The following ZFPM2 variants were observed in gnomAD, a reference collection of about 807,000 sequenced individuals.
ZFPM2 encodes the protein zinc finger protein, FOG family member 2.
ZFPM2 carries 20 observed loss-of-function variants against 98.6 expected under a neutral mutation model. The observed-to-expected ratio is 0.20, with a 90% CI of 0.14 to 0.29. ZFPM2 has a LOEUF of 0.29. ZFPM2 is among the 10% of genes least tolerant of loss of function. The pLI, the probability that ZFPM2 is intolerant of heterozygous loss-of-function variation, is 1.00. For missense variants in ZFPM2, 1,310 were observed against 1,388.6 expected (o/e 0.94, Z 0.90); for synonymous variants, 518 against 502.7 (o/e 1.03, Z -0.41).
chr8:105,505,260 A>C (rs1354961084), intron 3 of ZFPM2, among the ~76,000 whole-genome samples: 1 of 152,206 alleles, frequency 6.6e-6, no homozygotes, highest in African/African-American at 2.4e-5. Context: ...CACACAGTAG[A>C]TCGTCTATAA....
intron 5 of ZFPM2, among the ~76,000 whole-genome samples, chr8:105,707,998 T>C (rs1258971578): frequency 1.3e-5 from 2 of 152,176 alleles, no homozygotes; most frequent in Non-Finnish European, 2.9e-5. Context: ...GCTCATTGAC[T>C]AGAACTCGTC....
intron 3 of ZFPM2, among the ~76,000 whole-genome samples, chr8:105,457,224 G>A (rs1812610226): frequency 6.6e-6 from 1 of 152,038 alleles, no homozygotes. Context: ...TGGACCTTGG[G>A]TGTTATTATA....
chr8:105,661,974 T>C (rs568242710), intron 5 of ZFPM2, among the ~76,000 whole-genome samples: 1 of 150,070 alleles, frequency 6.7e-6, no homozygotes, highest in Non-Finnish European at 1.5e-5. Flanking sequence ...TTTCTCTTTG[T>C]AAGAAAAAAA....
chr8:105,595,924 A>G (rs927886203), intron 4 of ZFPM2, among the ~76,000 whole-genome samples: 10 of 151,868 alleles, frequency 6.6e-5, no homozygotes, highest in Non-Finnish European at 1.3e-4. Context: ...GACTTCCAAT[A>G]TCATCTAAAA....
intron 5 of ZFPM2, among the ~76,000 whole-genome samples, chr8:105,709,266 T>C (rs1419695165): frequency 6.6e-6 from 1 of 152,236 alleles, no homozygotes; most frequent in Non-Finnish European, 1.5e-5. Context: ...GTTTTTACTA[T>C]GGAAATCTTC....
chr8:105,705,833 A>G (rs1370566070), intron 5 of ZFPM2, among the ~76,000 whole-genome samples: 1 of 152,182 alleles, frequency 6.6e-6, no homozygotes, highest in African/African-American at 2.4e-5. Flanking sequence ...TGCACTTGCT[A>G]GAAAAGTCAG....
At chr8:105,510,916 A>C (rs1331071114) in intron 3 of ZFPM2, among the ~76,000 whole-genome samples, 1 of 152,180 alleles carries the variant, frequency 6.6e-6, no homozygotes, top group Non-Finnish European at 1.5e-5. Context: ...TTGCTTTAGA[A>C]ATTTTACCCT....
chr8:105,592,342 CT>C (rs534091305), intron 4 of ZFPM2, among the ~76,000 whole-genome samples: 5 of 152,008 alleles, frequency 3.3e-5, no homozygotes, highest in Non-Finnish European at 5.9e-5. Flanking sequence ...AAAGGACTTT[CT>C]TATTTCTCAT....
intron 1 of ZFPM2, among the ~76,000 whole-genome samples, chr8:105,391,927 GA>G (rs991820632): frequency 6.6e-6 from 1 of 152,174 alleles, no homozygotes; most frequent in Admixed American, 6.5e-5. Flanking sequence ...ATGGCATCTA[GA>G]AAGGTAAATC....
At chr8:105,517,707 CCACACACACACACACACA>C (rs1554613621) in intron 3 of ZFPM2, among the ~76,000 whole-genome samples, 3 of 124,890 alleles carry the variant, frequency 2.4e-5, no homozygotes, top group African/African-American at 6.6e-5. Flanking sequence ...CACACACACA[CCACACACACACACACACA>C]CACACACACA....
chr8:105,712,056 A>G (rs951015077), intron 5 of ZFPM2, among the ~76,000 whole-genome samples: 1 of 152,030 alleles, frequency 6.6e-6, no homozygotes, highest in Non-Finnish European at 1.5e-5. Flanking sequence ...TTTTCTGGTA[A>G]CTGGGTTAAT....
intron 1 of ZFPM2, among the ~76,000 whole-genome samples, chr8:105,384,074 G>A (rs910907304): frequency 1.3e-5 from 2 of 152,104 alleles, no homozygotes; most frequent in African/African-American, 4.8e-5. Context: ...ATATGTTGGA[G>A]AATATTAGAC....
At chr8:105,706,658 C>T (rs1811270182) in intron 5 of ZFPM2, among the ~76,000 whole-genome samples, 1 of 152,110 alleles carries the variant, frequency 6.6e-6, no homozygotes, top group Non-Finnish European at 1.5e-5. Flanking sequence ...CAGCTCACTG[C>T]AACCTCCGCC....
chr8:105,626,699 A>G (rs148462910), intron 4 of ZFPM2, among the ~76,000 whole-genome samples: 6 of 152,270 alleles, frequency 3.9e-5, no homozygotes, highest in Non-Finnish European at 7.4e-5. Flanking sequence ...GTTGTCAAAT[A>G]TGCTTTATAG....
At chr8:105,380,846 TTATAA>T (rs1260917840) in intron 1 of ZFPM2, among the ~76,000 whole-genome samples, 4 of 80,014 alleles carry the variant, frequency 5.0e-5, no homozygotes, top group East Asian at 6.4e-4. Context: ...GTTATATATA[TTATAA>T]TATATATAAT....
chr8:105,366,398 G>C (rs915498919), intron 1 of ZFPM2, among the ~76,000 whole-genome samples: 8 of 152,074 alleles, frequency 5.3e-5, no homozygotes, highest in African/African-American at 1.9e-4. Context: ...AACAAATGAA[G>C]TTAATTCTTT....
At chr8:105,688,673 A>G (rs1810803670) in intron 5 of ZFPM2, among the ~76,000 whole-genome samples, 1 of 152,144 alleles carries the variant, frequency 6.6e-6, no homozygotes, top group South Asian at 2.1e-4. Flanking sequence ...GGAAGATATT[A>G]TATAGTCTTC....
intron 3 of ZFPM2, among the ~76,000 whole-genome samples, chr8:105,445,638 T>C (rs563027721): frequency 6.6e-6 from 1 of 151,878 alleles, no homozygotes; most frequent in Non-Finnish European, 1.5e-5. Context: ...AGGGTCTCAC[T>C]CTGTTGCCCA....
intron 5 of ZFPM2, among the ~76,000 whole-genome samples, chr8:105,703,851 G>A (rs1423308693): frequency 6.6e-6 from 1 of 152,044 alleles, no homozygotes; most frequent in East Asian, 1.9e-4. Context: ...GTCTTTCCAC[G>A]ATTATCCTGT....
Sources: allele counts gnomAD v4.1 joint callset (sites outside exome capture counted in the v4.1 genomes callset), GRCh38; gene constraint gnomAD v4.1.1; transcripts MANE v1.5; gene names NCBI Gene and HGNC (gene_info 2026-07-23, HGNC 2026-07-21).